The following TMEM25 variants were observed in gnomAD, a reference collection of about 807,000 sequenced individuals.
TMEM25 encodes the protein 0610039J01Rik.
Under a neutral mutation model 37.0 loss-of-function variants are expected in TMEM25, and 36 were observed. That is an observed-to-expected ratio of 0.97 (90% CI 0.75 to 1.28). The LOEUF (loss-of-function observed/expected upper bound fraction) is 1.28, where lower values mean the gene tolerates loss of function less well. TMEM25 is among the 50% of genes most tolerant of loss of function. TMEM25 has a pLI of 0.00. For synonymous variants in TMEM25, 197 were observed against 203.7 expected (o/e 0.97, Z 0.28); for missense variants, 444 against 477.9 (o/e 0.93, Z 0.66).
intron 1 of TMEM25, chr11:118,531,561 T>C: frequency 1.8e-6 from 1 of 569,614 alleles, no homozygotes. Context: ...CTGGAGTCAG[T>C]GCTCGCTTCT....
intron 8 of TMEM25, among the ~76,000 whole-genome samples, chr11:118,542,067 C>T (rs1383783957): frequency 6.6e-6 from 1 of 152,162 alleles, no homozygotes; most frequent in Non-Finnish European, 1.5e-5. Context: ...TTTTAGCTCC[C>T]ACTTACAAGT....
Position 118,534,638 on chromosome 11 carries a change from G to A in TMEM25, c.*58G>A. 2 of 1,599,016 alleles carry A rather than the reference G, an allele frequency of 1.3e-6. No individual in the cohort carries two copies. Among genetic ancestry groups the A allele is most frequent in the South Asian group, 1.1e-5 (1 of 89,942 alleles). On this transcript the variant is annotated 3_prime_UTR_variant, in exon 9 of 9. Coordinates refer to ENST00000313236, the MANE Select transcript of TMEM25 (RefSeq NM_032780.4). The surrounding 1 kb of genome is among the most constrained non-coding windows in gnomAD (Gnocchi z 4.6). ...TCTGGACACCCTCCCGTTCCTCCAA[G>A]GCATCCTCTACCTAGCTAGGTCACC...
At chr11:118,537,870 G>A (rs782611690), downstream of TMEM25, among the ~76,000 whole-genome samples, 1 of 152,020 alleles carries the variant, frequency 6.6e-6, no homozygotes, top group Non-Finnish European at 1.5e-5. Flanking sequence ...GGGCAACATG[G>A]TGAGAGTCCC....
At chr11:118,531,544 T>C in intron 1 of TMEM25, 3 of 561,506 alleles carry the variant, frequency 5.3e-6, no homozygotes, top group African/African-American at 3.8e-5. Context: ...CCTCTTTGTA[T>C]TGTAGCCTGG....
chr11:118,532,623 C>T (rs533432355), intron 3 of TMEM25, 162 bp downstream of exon 3: 10 of 886,602 alleles, frequency 1.1e-5, no homozygotes, highest in African/African-American at 6.7e-5. Flanking sequence ...TTACTATTGT[C>T]GTCACCATTT....
intron 8 of TMEM25, among the ~76,000 whole-genome samples, chr11:118,543,023 T>C (rs1247917859): frequency 1.3e-5 from 2 of 151,972 alleles, no homozygotes; most frequent in Non-Finnish European, 2.9e-5. Flanking sequence ...AGTCGGATCA[T>C]GAGGTCAGCA....
At chr11:118,531,324 C>T in intron 1 of TMEM25, 90 bp downstream of exon 1, 1 of 334,180 alleles carries the variant, frequency 3.0e-6, no homozygotes, top group Non-Finnish European at 5.6e-6. Flanking sequence ...TCCACCGGAG[C>T]CACCAACATC....
chr11:118,541,075 A>G (rs781989788), intron 8 of TMEM25, among the ~76,000 whole-genome samples: 1 of 152,206 alleles, frequency 6.6e-6, no homozygotes, highest in South Asian at 2.1e-4. Flanking sequence ...TTACACGAGG[A>G]TGAACTTATG....
chr11:118,546,752 T>C (rs1392858570), downstream of TMEM25: 1 of 152,748 alleles, frequency 6.5e-6, no homozygotes, highest in Non-Finnish European at 1.5e-5. Flanking sequence ...AAAAAGAAAC[T>C]GATACCAAGT....
In TMEM25 at chr11:118,535,219, G is replaced by C; in HGVS notation, c.*639G>C. Reference sequence around the variant, plus strand: ...TCCTCTTGGGAATTCTAGGTTACACGTTGGACCTTCTCTACTACTTCACTG... The same window carrying C: ...TCCTCTTGGGAATTCTAGGTTACACCTTGGACCTTCTCTACTACTTCACTG... On this transcript the variant is annotated 3_prime_UTR_variant, in exon 9 of 9. Transcript: ENST00000313236. 9.0e-7 allele frequency: 1 copy of C among 1,113,486 alleles called. No individual in the cohort carries two copies. The highest frequency in any genetic ancestry group is 1.1e-6 in the Non-Finnish European group (1 of 912,130). The allele number at this position is 1,113,486 out of a possible 1,614,324, so 69.0% of individuals were successfully genotyped here. A position where few individuals can be genotyped will look rare whatever the true frequency, so the allele number is the denominator to read the frequency against.
intron 8 of TMEM25, chr11:118,546,034 GGA>G: frequency 1.4e-6 from 1 of 711,146 alleles, no homozygotes; most frequent in Non-Finnish European, 2.6e-6. Flanking sequence ...GACTATATTT[GGA>G]GATAACATCT....
chr11:118,534,987 G>C lies in TMEM25; in HGVS notation c.*407G>C. The C allele has an allele frequency of 9.5e-7, 1 of 1,048,922 alleles. No homozygotes were observed. Among genetic ancestry groups the C allele is most frequent in the East Asian group, 8.2e-5 (1 of 12,164 alleles). The allele number at this position is 1,048,922 out of a possible 1,614,324, so 65.0% of individuals were successfully genotyped here. ...GGCATGGGGGCGTGCCTGTGTGGGG[G>C]ACAGGGAGGGCCCTGCATGGATTTT... On this transcript the variant is annotated 3_prime_UTR_variant, in exon 9 of 9. Coordinates refer to ENST00000313236, the MANE Select transcript of TMEM25 (RefSeq NM_032780.4). The surrounding 1 kb of genome is among the most constrained non-coding windows in gnomAD (Gnocchi z 4.6).
At chr11:118,545,074 A>C in intron 8 of TMEM25, 1 of 1,189,366 alleles carries the variant, frequency 8.4e-7, no homozygotes, top group Admixed American at 2.0e-5. Flanking sequence ...TATTTTAACA[A>C]GAATTAATTT....
At position 118,535,552 on chromosome 11, in the gene TMEM25, T is replaced by G; in HGVS notation, c.*972T>G. ...GACCCCAGCCCTGACCAACCCATGGTTGCCTCATCAGCAGGAAGGTGCCCT... is the reference window on the plus strand; with the variant it reads ...GACCCCAGCCCTGACCAACCCATGGGTGCCTCATCAGCAGGAAGGTGCCCT... On this transcript the variant is annotated 3_prime_UTR_variant, in exon 9 of 9. Transcript: ENST00000313236. 2 of 1,535,884 alleles carry G rather than the reference T, an allele frequency of 1.3e-6. No homozygotes were observed. The highest frequency in any genetic ancestry group is 1.7e-6 in the Non-Finnish European group (2 of 1,146,754).
rs782139864 is a variant in TMEM25, at chr11:118,535,257, T to C, written c.*677T>C. 4 of 1,198,150 alleles carry C rather than the reference T, an allele frequency of 3.3e-6. No individual in the cohort carries two copies. The African/African-American group carries it at 6.2e-5, about 19-fold the overall frequency. 74.2% of individuals were successfully genotyped at this position (1,198,150 alleles called of 1,614,324 possible). On this transcript the variant is annotated 3_prime_UTR_variant, in exon 9 of 9. Transcript: ENST00000313236. ...TACTACTTCACTGGGCACTAGACTT[T>C]TCTATTGGCCTGTGCCATCGCCCAG...
Position 118,533,494 on chromosome 11 carries a change from G to C in TMEM25, c.748G>C (p.Val250Leu), listed in dbSNP as rs201359918. ...TGCTGGGCTTGCACTGGGCACCCTC[G>C]TGGGGTTCAGCACCTTGGTGGCCTG... ...VAAGLALGTL[V>L]GFSTLVACLV... The change falls in exon 5 of 9, where the codon GTG (valine) becomes CTG (leucine). Residue 250 changes from valine to leucine, a missense_variant. Transcript: ENST00000313236. The C allele has an allele frequency of 1.2e-6, 2 of 1,614,042 alleles. No individual in the cohort carries two copies. Among genetic ancestry groups the C allele is most frequent in the Admixed American group, 1.7e-5 (1 of 60,010 alleles).
chr11:118,534,684 C>T lies in TMEM25; in HGVS notation c.*104C>T. 1 of 1,533,312 alleles carries T rather than the reference C, an allele frequency of 6.5e-7. No homozygotes were observed. The highest frequency in any genetic ancestry group is 1.2e-5 in the South Asian group (1 of 81,926). 95.0% of individuals were successfully genotyped at this position (1,533,312 alleles called of 1,614,324 possible). On this transcript the variant is annotated 3_prime_UTR_variant, in exon 9 of 9. Coordinates refer to ENST00000313236, the MANE Select transcript of TMEM25 (RefSeq NM_032780.4). This position sits in a 1 kb window ranked among gnomAD's most constrained non-coding sequence, Gnocchi z 4.6. ...TCACCAACGTGAAGAAGTTATGCCA[C>T]TGCCACTTTTGCTTGCCCTCCTGGC...
At position 118,533,871 on chromosome 11, in the gene TMEM25, C is replaced by T; in HGVS notation, c.820C>T (p.Pro274Ser). 6.2e-7 allele frequency: 1 copy of T among 1,614,102 alleles called. No individual in the cohort carries two copies. Among genetic ancestry groups the T allele is most frequent in the African/African-American group, 1.3e-5 (1 of 75,012 alleles). ...EKKTKGPSRH[P>S]SLISSDSNNL... The stretch of plus-strand genomic sequence containing the variant: ...TTTCTCCACAGGCCCCTCCCGGCAC[C>T]CATCTCTGATATCAAGGTAACTCTT... The change falls in exon 6 of 9, where the codon CCA (proline) becomes TCA (serine). Residue 274 changes from proline to serine, a missense_variant. Physicochemically the swap from Pro to Ser is moderately conservative, Grantham distance 74. Transcript: ENST00000313236.
At chr11:118,543,853 C>G (rs1383411850) in intron 8 of TMEM25, among the ~76,000 whole-genome samples, 5 of 150,554 alleles carry the variant, frequency 3.3e-5, no homozygotes, top group African/African-American at 1.2e-4. Context: ...GTTGCCCAAG[C>G]TGGAGTGCAG....
Sources: allele counts gnomAD v4.1 joint callset (sites outside exome capture counted in the v4.1 genomes callset), GRCh38; gene constraint gnomAD v4.1.1; non-coding constraint Gnocchi (gnomAD v3.1); transcripts MANE v1.5; gene names NCBI Gene and HGNC (gene_info 2026-07-23, HGNC 2026-07-21).